The following CYB5A variants were observed in gnomAD, a reference collection of about 807,000 sequenced individuals.
CYB5A encodes the protein cytochrome b5 type A.
Under a neutral mutation model 16.2 loss-of-function variants are expected in CYB5A, and 10 were observed. That is an observed-to-expected ratio of 0.62 (90% confidence interval 0.38 to 1.04). CYB5A has a LOEUF of 1.04. CYB5A is among the 50% of genes least tolerant of loss of function. The probability of loss-of-function intolerance (pLI) is 0.01; values close to 1 mark genes in which losing one functional copy is unlikely to be tolerated. For synonymous variants in CYB5A, 62 were observed against 57.0 expected (o/e 1.09, Z -0.40); for missense variants, 161 against 165.9 (o/e 0.97, Z 0.16).
intron 4 of CYB5A, among the ~76,000 whole-genome samples, chr18:74,254,614 G>T (rs13381982): frequency 0.052 from 7,896 of 151,424 alleles, 478 homozygotes; most frequent in East Asian, 0.19. Context: ...CCGCCTCCTG[G>T]GTTCACACCA....
At chr18:74,288,034 A>C (rs1983382202) in intron 1 of CYB5A, among the ~76,000 whole-genome samples, 1 of 152,244 alleles carries the variant, frequency 6.6e-6, no homozygotes, top group Non-Finnish European at 1.5e-5. Context: ...ATATGTAGGC[A>C]ATAAAGCTCA....
At chr18:74,288,392 G>A (rs1599270478) in intron 1 of CYB5A, among the ~76,000 whole-genome samples, 2 of 152,318 alleles carry the variant, frequency 1.3e-5, no homozygotes, top group African/African-American at 2.4e-5. Flanking sequence ...GTAAACAAAG[G>A]TCTAGCCCAT....
intron 1 of CYB5A, among the ~76,000 whole-genome samples, chr18:74,281,011 G>T (rs1009699359): frequency 6.6e-6 from 1 of 152,158 alleles, no homozygotes; most frequent in South Asian, 2.1e-4. Context: ...GGGACCACGC[G>T]AGAGAAGATG....
intron 1 of CYB5A, among the ~76,000 whole-genome samples, chr18:74,278,868 G>A (rs191925103): frequency 6.6e-6 from 1 of 152,340 alleles, no homozygotes; most frequent in African/African-American, 2.4e-5. Flanking sequence ...ACTATGCCCT[G>A]ACCAGTATTT....
rs759926243 is a variant in CYB5A at position 74,291,814 on chromosome 18, T to C, written c.62A>G (p.Asn21Ser). 3 of 1,613,792 alleles carry C rather than the reference T, an allele frequency of 1.9e-6. No individual in the cohort carries two copies. The African/African-American group carries it at 4.0e-5, about 22-fold the overall frequency. Residue 21 changes from asparagine to serine, a missense_variant, in exon 1 of 5, where the codon AAC becomes AGC. Asn to Ser is a conservative substitution (Grantham distance 46). Transcript: ENST00000340533. ...GATCAGCCAGGTGCTCTTGCTGTGG[T>C]TGTGCTTCTGAATCTCCTCTAGGGT... Reference protein sequence around the residue: ...YYTLEEIQKHNHSKSTWLILH... With the variant: ...YYTLEEIQKHSHSKSTWLILH...
chr18:74,269,921 G>T (rs1369132615), intron 1 of CYB5A, among the ~76,000 whole-genome samples: 1 of 152,180 alleles, frequency 6.6e-6, no homozygotes, highest in Non-Finnish European at 1.5e-5. Context: ...GCGTAGTCTA[G>T]AGGGGTGGCA....
At chr18:74,288,842 G>C (rs73970038) in intron 1 of CYB5A, among the ~76,000 whole-genome samples, 5,970 of 152,268 alleles carry the variant, frequency 0.039, 421 homozygotes, top group African/African-American at 0.14. Flanking sequence ...GTCACAGAAA[G>C]TCAAAGCAAA....
intron 1 of CYB5A, among the ~76,000 whole-genome samples, chr18:74,266,577 C>T (rs1478491077): frequency 6.6e-6 from 1 of 152,066 alleles, no homozygotes; most frequent in Non-Finnish European, 1.5e-5. Context: ...AGAAAATACA[C>T]ATTCAATTTC....
At chr18:74,263,317 C>T in intron 2 of CYB5A, 32 bp downstream of exon 2, 1 of 1,613,548 alleles carries the variant, frequency 6.2e-7, no homozygotes, top group South Asian at 1.1e-5. Flanking sequence ...GCCTTAAATA[C>T]AAATAAGAAA....
intron 4 of CYB5A, among the ~76,000 whole-genome samples, chr18:74,254,518 T>C (rs145343302): frequency 1.4e-5 from 2 of 143,650 alleles, no homozygotes; most frequent in African/African-American, 2.6e-5. Flanking sequence ...AATTTCTATT[T>C]GAATCTTTTT....
chr18:74,261,900 T>C (rs1982215101), intron 2 of CYB5A, among the ~76,000 whole-genome samples: 1 of 152,180 alleles, frequency 6.6e-6, no homozygotes, highest in Admixed American at 6.5e-5. Flanking sequence ...AGCAGGTCTT[T>C]GTCCCCTTCT....
At chr18:74,287,397 T>A (rs146844230) in intron 1 of CYB5A, among the ~76,000 whole-genome samples, 156 of 152,294 alleles carry the variant, frequency 1.0e-3, no homozygotes, top group African/African-American at 3.1e-3. Context: ...GCACCCATAC[T>A]CTCTTCCTCG....
chr18:74,280,782 T>G (rs1356430418), intron 1 of CYB5A, among the ~76,000 whole-genome samples: 8 of 152,150 alleles, frequency 5.3e-5, no homozygotes, highest in Non-Finnish European at 1.2e-4. Context: ...GAAATCTTTG[T>G]GCGAGTCTAT....
At chr18:74,277,379 C>G (rs999869757) in intron 1 of CYB5A, among the ~76,000 whole-genome samples, 16 of 152,182 alleles carry the variant, frequency 1.1e-4, no homozygotes, top group African/African-American at 3.9e-4. Flanking sequence ...TCCCCATAAG[C>G]CTTGATGGAA....
Position 74,261,004 on chromosome 18 carries a change from A to G in CYB5A, c.259-60T>C, listed in dbSNP as rs1351794480. 35 of 1,301,676 alleles carry G rather than the reference A, an allele frequency of 2.7e-5. No individual in the cohort carries two copies. In the East Asian group the frequency reaches 7.8e-4, roughly 29 times the overall value. 80.6% of individuals were successfully genotyped at this position (1,301,676 alleles called of 1,614,324 possible). On this transcript the variant is annotated intron_variant, in intron 2 of 4. Coordinates refer to ENST00000340533, the MANE Select transcript of CYB5A (RefSeq NM_148923.4). The stretch of plus-strand genomic sequence containing the variant: ...AAAAATCTATGAAAGTACCACTTCC[A>G]AAATGCTGACTTTGAGACTTTTTAA...
chr18:74,285,736 C>A (rs2145084614), intron 1 of CYB5A, among the ~76,000 whole-genome samples: 1 of 151,610 alleles, frequency 6.6e-6, no homozygotes, highest in East Asian at 2.0e-4. Context: ...TGGCTCATGC[C>A]TGTGGTCCCA....
chr18:74,282,189 G>A (rs781215011), intron 1 of CYB5A, among the ~76,000 whole-genome samples: 6 of 152,196 alleles, frequency 3.9e-5, no homozygotes, highest in Non-Finnish European at 7.3e-5. Context: ...GCAATCCTCA[G>A]GGACAAAATC....
At position 74,253,574 on chromosome 18, in the gene CYB5A, G is replaced by T; in HGVS notation, c.*10C>A. 6.2e-7 allele frequency: 1 copy of T among 1,600,332 alleles called. No individual in the cohort carries two copies. Among genetic ancestry groups the T allele is most frequent in the Non-Finnish European group, 8.6e-7 (1 of 1,167,992 alleles). On this transcript the variant is annotated 3_prime_UTR_variant, in exon 5 of 5. Coordinates refer to ENST00000340533, the MANE Select transcript of CYB5A (RefSeq NM_148923.4). Reference sequence around the variant, plus strand: ...GCAGGCTCTTCCTGCGCTGACTTCTGAGGAGGTGTTCAGTCCTCTGCCATG... The same window carrying T: ...GCAGGCTCTTCCTGCGCTGACTTCTTAGGAGGTGTTCAGTCCTCTGCCATG...
At chr18:74,276,895 G>A (rs1037515478) in intron 1 of CYB5A, among the ~76,000 whole-genome samples, 2 of 152,126 alleles carry the variant, frequency 1.3e-5, no homozygotes, top group African/African-American at 4.8e-5. Flanking sequence ...AGACTCCTTG[G>A]CAAGTAAGAG....
Sources: gnomAD v4.1 joint callset for allele counts (sites outside exome capture counted in the v4.1 genomes callset) on GRCh38, gnomAD v4.1.1 for gene constraint, MANE v1.5 for transcripts, NCBI Gene and HGNC (gene_info 2026-07-23, HGNC 2026-07-21) for gene names.